Variants in ST6GALNAC3 observed in about 807,000 individuals in gnomAD.
ST6GALNAC3 encodes the protein alpha-N-acetylgalactosaminide alpha-2,6-sialyltransferase 3.
ST6GALNAC3 carries 25 observed loss-of-function variants against 32.7 expected under a neutral mutation model. That is an observed-to-expected ratio of 0.76 (90% confidence interval 0.56 to 1.07). The LOEUF is 1.07. Ranked by LOEUF, ST6GALNAC3 falls within the 50% of genes least tolerant of loss-of-function variation. ST6GALNAC3 has a pLI of 0.00. For synonymous variants in ST6GALNAC3, 129 were observed against 133.1 expected, an observed-to-expected ratio of 0.97 and a Z score of 0.21; for missense variants, 355 against 382.4, an observed-to-expected ratio of 0.93 and a Z score of 0.60.
intron 2 of ST6GALNAC3, among the ~76,000 whole-genome samples, chr1:76,344,266 C>G (rs1405721679): frequency 6.6e-6 from 1 of 152,112 alleles, no homozygotes; most frequent in African/African-American, 2.4e-5. Context: ...TACTCTGGCT[C>G]TTCTGGGAAG....
At chr1:76,131,264 A>G (rs1649592603) in intron 1 of ST6GALNAC3, among the ~76,000 whole-genome samples, 2 of 152,308 alleles carry the variant, frequency 1.3e-5, no homozygotes, top group South Asian at 4.2e-4. Flanking sequence ...CGCATTGGTG[A>G]TCGAGCGAAA....
At chr1:76,454,754 A>C (rs182042542) in intron 3 of ST6GALNAC3, among the ~76,000 whole-genome samples, 1 of 152,114 alleles carries the variant, frequency 6.6e-6, no homozygotes, top group Admixed American at 6.6e-5. Flanking sequence ...CCTGATGACT[A>C]TGTGCCTAGA....
chr1:76,303,029 T>C (rs1433393042), intron 1 of ST6GALNAC3, among the ~76,000 whole-genome samples: 1 of 151,914 alleles, frequency 6.6e-6, no homozygotes, highest in African/African-American at 2.4e-5. Flanking sequence ...GTAAATGAAG[T>C]GGTGGTCTGC....
Position 76,484,221 on chromosome 1 carries a change from A to G in ST6GALNAC3, c.623+71804A>G, listed in dbSNP as rs542311261. On this transcript the variant is annotated intron_variant, in intron 3 of 4. Transcript: ENST00000328299. ...GCAATGTGGGCTCTTTTTTGGTTCC[A>G]TATGAACTTTAAAGTAGTTTTTTCC... is the stretch of plus-strand genomic sequence containing the variant. Among the ~76,000 whole-genome samples, 53 of 152,280 alleles carry G rather than the reference A, an allele frequency of 3.5e-4. No individual in the cohort carries two copies. In the South Asian group the frequency reaches 0.011, roughly 31 times the overall value.
chr1:76,512,528 T>A (rs1003897381), intron 3 of ST6GALNAC3, among the ~76,000 whole-genome samples: 28 of 152,198 alleles, frequency 1.8e-4, no homozygotes, highest in African/African-American at 6.5e-4. Flanking sequence ...TGTATAATGA[T>A]CAAATCAAGG....
chr1:76,501,172 T>C (rs1159607803), intron 3 of ST6GALNAC3, among the ~76,000 whole-genome samples: 2 of 152,178 alleles, frequency 1.3e-5, no homozygotes, highest in African/African-American at 2.4e-5. Context: ...TACAAGCTAT[T>C]TCTCATTTGG....
chr1:76,257,879 G>T (rs1281917687), intron 1 of ST6GALNAC3, among the ~76,000 whole-genome samples: 2 of 152,034 alleles, frequency 1.3e-5, no homozygotes, highest in Non-Finnish European at 2.9e-5. Context: ...TTTTTCATTT[G>T]TCAAATGGAA....
chr1:76,213,358 G>C (rs1655274119), intron 1 of ST6GALNAC3, among the ~76,000 whole-genome samples: 1 of 152,164 alleles, frequency 6.6e-6, no homozygotes, highest in South Asian at 2.1e-4. Context: ...ATGGAGCAGA[G>C]CCCCTATCAA....
intron 1 of ST6GALNAC3, among the ~76,000 whole-genome samples, chr1:76,170,309 C>T (rs1395525742): frequency 6.6e-6 from 1 of 152,132 alleles, no homozygotes; most frequent in Non-Finnish European, 1.5e-5. Context: ...AGAAACAATG[C>T]AGCTGTTGGG....
At chr1:76,459,706 C>T (rs1239133111) in intron 3 of ST6GALNAC3, among the ~76,000 whole-genome samples, 2 of 152,094 alleles carry the variant, frequency 1.3e-5, no homozygotes, top group East Asian at 1.9e-4. Flanking sequence ...GCAGTGTCTG[C>T]CTATTCTGGA....
At chr1:76,343,440 C>G (rs1215718155) in intron 2 of ST6GALNAC3, among the ~76,000 whole-genome samples, 1 of 152,050 alleles carries the variant, frequency 6.6e-6, no homozygotes, top group South Asian at 2.1e-4. Flanking sequence ...TCAGGAGAAA[C>G]GAAAATGAAA....
At chr1:76,305,614 CTTCATCAGGT>C (rs962076176) in intron 1 of ST6GALNAC3, among the ~76,000 whole-genome samples, 19 of 152,086 alleles carry the variant, frequency 1.2e-4, no homozygotes, top group Non-Finnish European at 2.6e-4. Flanking sequence ...ACATGGACTA[CTTCATCAGGT>C]ATCACCAGCA....
At chr1:76,573,204 C>A (rs1557588016) in intron 3 of ST6GALNAC3, among the ~76,000 whole-genome samples, 1 of 152,064 alleles carries the variant, frequency 6.6e-6, no homozygotes, top group Non-Finnish European at 1.5e-5. Flanking sequence ...TCTACAGACA[C>A]TTTTTAAGCG....
chr1:76,164,606 G>A (rs773850380), intron 1 of ST6GALNAC3, among the ~76,000 whole-genome samples: 32 of 152,256 alleles, frequency 2.1e-4, no homozygotes, highest in Middle Eastern at 3.4e-3. Flanking sequence ...GGTTGGTTAT[G>A]CAGTTCTCAA....
chr1:76,444,301 C>A (rs1425114635), intron 3 of ST6GALNAC3, among the ~76,000 whole-genome samples: 1 of 152,172 alleles, frequency 6.6e-6, no homozygotes, highest in Admixed American at 6.5e-5. Context: ...ACATTTTTTT[C>A]TGTACTCTAC....
intron 1 of ST6GALNAC3, among the ~76,000 whole-genome samples, chr1:76,293,994 C>T (rs1260382223): frequency 2.6e-5 from 4 of 152,148 alleles, no homozygotes; most frequent in African/African-American, 7.2e-5. Context: ...TATACAAAAC[C>T]GTTTGTGGAG....
intron 1 of ST6GALNAC3, among the ~76,000 whole-genome samples, chr1:76,206,941 G>A (rs1219572442): frequency 1.3e-5 from 2 of 152,122 alleles, no homozygotes; most frequent in Non-Finnish European, 2.9e-5. Context: ...ATGGAGAGGT[G>A]TTTCCTTCCC....
chr1:76,256,825 G>A (rs903467404), intron 1 of ST6GALNAC3, among the ~76,000 whole-genome samples: 3 of 152,016 alleles, frequency 2.0e-5, no homozygotes, highest in African/African-American at 7.2e-5. Context: ...TGATTTCACA[G>A]GAGTTAGAAA....
chr1:76,124,392 A>T (rs1227407108), intron 1 of ST6GALNAC3, among the ~76,000 whole-genome samples: 1 of 152,204 alleles, frequency 6.6e-6, no homozygotes, highest in Non-Finnish European at 1.5e-5. Flanking sequence ...ATCTTCTTAG[A>T]TGGCATTGAC....
Sources: allele counts gnomAD v4.1 joint callset (sites outside exome capture counted in the v4.1 genomes callset), GRCh38; gene constraint gnomAD v4.1.1; transcripts MANE v1.5; gene names NCBI Gene and HGNC (gene_info 2026-07-23, HGNC 2026-07-21).